Variants in PCYOX1 observed in about 807,000 individuals in gnomAD.
PCYOX1 encodes the protein prenylcysteine lyase.
Under a neutral mutation model 46.4 loss-of-function variants are expected in PCYOX1, and 46 were observed. That is an observed-to-expected ratio of 0.99 (90% CI 0.78 to 1.27). The LOEUF (loss-of-function observed/expected upper bound fraction) is 1.27, where lower values mean the gene tolerates loss of function less well. Among genes scored for constraint, PCYOX1 ranks in the 50% most tolerant of loss-of-function variants. The probability of loss-of-function intolerance (pLI) is 0.00; values close to 1 mark genes in which losing one functional copy is unlikely to be tolerated. For missense variants in PCYOX1, 658 were observed against 628.3 expected (o/e 1.05, Z -0.51); for synonymous variants, 220 against 231.8 (o/e 0.95, Z 0.46).
At position 70,261,165 on chromosome 2, in the gene PCYOX1, G is replaced by C. The variant is rs1022161926; in HGVS notation, c.320-47G>C. 5.3e-6 allele frequency: 7 copies of C among 1,310,114 alleles called. No homozygotes were observed. The African/African-American group carries it at 1.0e-4, about 19-fold the overall frequency. 81.2% of individuals were successfully genotyped at this position (1,310,114 alleles called of 1,614,324 possible). A position where few individuals can be genotyped will look rare whatever the true frequency, so the allele number is the denominator to read the frequency against. On this transcript the variant is annotated intron_variant, in intron 2 of 5. Transcript: ENST00000433351. ...TCACTCAGATTACGTTCTTTCATTT[G>C]ATCAGCATAGACACCACTGACTTAG...
At chr2:70,267,486 C>G (rs1262278037) in intron 3 of PCYOX1, among the ~76,000 whole-genome samples, 2 of 152,124 alleles carry the variant, frequency 1.3e-5, no homozygotes, top group Admixed American at 6.5e-5. Flanking sequence ...CCACTGCACT[C>G]CAGCCTGGGC....
At chr2:70,273,644 A>G (rs1696631062) in intron 3 of PCYOX1, among the ~76,000 whole-genome samples, 1 of 152,220 alleles carries the variant, frequency 6.6e-6, no homozygotes, top group African/African-American at 2.4e-5. Context: ...TTAAGGGAAT[A>G]AGAGATAAAC....
At chr2:70,268,494 T>C (rs1398487393) in intron 3 of PCYOX1, among the ~76,000 whole-genome samples, 16 of 152,102 alleles carry the variant, frequency 1.1e-4, no homozygotes, top group Admixed American at 9.8e-4. Flanking sequence ...TAAGTTAAAA[T>C]GAGGTCTTTA....
At chr2:70,264,143 T>G (rs1185876295) in intron 3 of PCYOX1, among the ~76,000 whole-genome samples, 1 of 151,658 alleles carries the variant, frequency 6.6e-6, no homozygotes, top group East Asian at 1.9e-4. Flanking sequence ...TTGTATTTTT[T>G]TTGTAGAGAT....
chr2:70,276,332 G>A (rs1336184646), intron 5 of PCYOX1, among the ~76,000 whole-genome samples: 3 of 151,090 alleles, frequency 2.0e-5, no homozygotes, highest in Admixed American at 6.6e-5. Flanking sequence ...TCAGCGTCCC[G>A]AGTAGCTGGG....
chr2:70,258,421 T>TCA, intron 1 of PCYOX1, 145 bp downstream of exon 1: 1 of 476,534 alleles, frequency 2.1e-6, no homozygotes, highest in Non-Finnish European at 3.7e-6. Context: ...TTTCCCCCAT[T>TCA]CACACTTCAG....
intron 3 of PCYOX1, among the ~76,000 whole-genome samples, chr2:70,262,477 ATT>A (rs1425261526): frequency 2.2e-4 from 25 of 115,004 alleles, no homozygotes; most frequent in Admixed American, 3.6e-4. Flanking sequence ...GCATGTGCTA[ATT>A]TTTTTTTTTT....
In PCYOX1 at chr2:70,259,360, C is replaced by A. The variant is rs1303130055; in HGVS notation, c.113C>A (p.Ala38Glu). 2.5e-5 allele frequency: 40 copies of A among 1,612,582 alleles called. No individual in the cohort carries two copies. The highest frequency in any genetic ancestry group is 3.3e-5 in the Non-Finnish European group (39 of 1,178,980). Residue 38 changes from alanine to glutamate, a missense_variant and splice_region_variant, in exon 2 of 6, where the codon GCG becomes GAG. Coordinates refer to ENST00000433351, the MANE Select transcript of PCYOX1 (RefSeq NM_016297.4). ...AATCTTCTGTTTTTTTCCCTCATAG[C>A]GATTATTGGAGCCGGAATTGGTGGC... ...AELRAPPDKI[A>E]IIGAGIGGTS...
intron 3 of PCYOX1, among the ~76,000 whole-genome samples, chr2:70,270,929 GT>G (rs1313215504): frequency 6.6e-6 from 1 of 152,122 alleles, no homozygotes; most frequent in Non-Finnish European, 1.5e-5. Flanking sequence ...GTTTCTCCAT[GT>G]TGGTCAGGCT....
chr2:70,267,272 A>G (rs531646320), intron 3 of PCYOX1, among the ~76,000 whole-genome samples: 4 of 132,026 alleles, frequency 3.0e-5, no homozygotes, highest in South Asian at 2.6e-4. Flanking sequence ...AGACGGGATG[A>G]CGGCCGGGAA....
intron 2 of PCYOX1, 38 bp from the exon 3 acceptor site, chr2:70,261,174 A>G (rs769230055): frequency 8.2e-6 from 12 of 1,455,288 alleles, no homozygotes; most frequent in Non-Finnish European, 9.6e-6. Context: ...TGATCAGCAT[A>G]GACACCACTG....
rs1260916416 is a variant in PCYOX1, at chr2:70,276,061, C to G, written c.859+395C>G. Among the ~76,000 whole-genome samples the G allele has an allele frequency of 1.0e-4, 15 of 143,920 alleles. No individual in the cohort carries two copies. In the East Asian group the frequency reaches 3.1e-3, roughly 30 times the overall value. The allele number at this position is 143,920 out of a possible 152,430, so 94.4% of individuals were successfully genotyped here. On this transcript the variant is annotated intron_variant, in intron 5 of 5. Transcript: ENST00000433351. The stretch of plus-strand genomic sequence containing the variant: ...GTTGCAGTGAGCCAAGATCACACCA[C>G]TGCACTCTAGCCTGGGTGACGGAGT...
rs1696680305 is a variant in PCYOX1, at chr2:70,276,943, T to G, written c.1069T>G (p.Phe357Val). ...LVKGELNTSI[F>V]SSRPIDKFGL... is the part of the protein sequence containing the mutation. ...TAAGGGGGAATTGAATACATCTATC[T>G]TTAGCTCTAGACCCATAGATAAATT... Residue 357 changes from phenylalanine to valine, a missense_variant, in exon 6 of 6, where the codon TTT (phenylalanine) becomes GTT (valine). By Grantham distance (50) the Phe-to-Val change is conservative (BLOSUM62 -1). Coordinates refer to ENST00000433351, the MANE Select transcript of PCYOX1 (RefSeq NM_016297.4). The G allele has an allele frequency of 6.2e-7, 1 of 1,612,246 alleles. No homozygotes were observed. Among genetic ancestry groups the G allele is most frequent in the African/African-American group, 1.3e-5 (1 of 74,906 alleles).
intron 3 of PCYOX1, among the ~76,000 whole-genome samples, chr2:70,274,178 A>G (rs912316475): frequency 6.6e-6 from 1 of 151,102 alleles, no homozygotes; most frequent in African/African-American, 2.4e-5. Context: ...GCCTTTAGAC[A>G]AAGTATTTTA....
At chr2:70,270,114 C>A (rs1375632374) in intron 3 of PCYOX1, among the ~76,000 whole-genome samples, 1 of 152,082 alleles carries the variant, frequency 6.6e-6, no homozygotes, top group Non-Finnish European at 1.5e-5. Flanking sequence ...CCTGCCTCAG[C>A]CTCCTGAATA....
chr2:70,273,983 A>G (rs1696633955), intron 3 of PCYOX1, among the ~76,000 whole-genome samples: 1 of 152,190 alleles, frequency 6.6e-6, no homozygotes, highest in Non-Finnish European at 1.5e-5. Flanking sequence ...TAGATGTTCC[A>G]TGGTTAGGAA....
intron 1 of PCYOX1, among the ~76,000 whole-genome samples, chr2:70,259,101 C>T (rs764585540): frequency 7.2e-5 from 11 of 152,138 alleles, no homozygotes; most frequent in Non-Finnish European, 1.2e-4. Flanking sequence ...TCCATAAAGA[C>T]CTGTGAGAAT....
intron 3 of PCYOX1, among the ~76,000 whole-genome samples, chr2:70,272,594 C>T (rs1398768297): frequency 6.6e-6 from 1 of 152,148 alleles, no homozygotes; most frequent in East Asian, 1.9e-4. Context: ...TGCCCCTGGG[C>T]TTAAGTGATC....
upstream of PCYOX1, chr2:70,258,116 T>C: frequency 3.5e-6 from 5 of 1,427,220 alleles, no homozygotes; most frequent in Non-Finnish European, 4.8e-6. Context: ...CGCGCAGCGG[T>C]GGGAGGACTG....
Sources: allele counts gnomAD v4.1 joint callset (sites outside exome capture counted in the v4.1 genomes callset), GRCh38; gene constraint gnomAD v4.1.1; transcripts MANE v1.5; gene names NCBI Gene and HGNC (gene_info 2026-07-23, HGNC 2026-07-21).